Variants in TTC34 observed in about 807,000 individuals in gnomAD.
TTC34 encodes the protein tetratricopeptide repeat domain 34.
Under a neutral mutation model 40.7 loss-of-function variants are expected in TTC34, and 44 were observed. The observed-to-expected ratio is 1.08, with a 90% confidence interval of 0.85 to 1.39. The LOEUF is 1.39. TTC34 is among the 40% of genes most tolerant of loss of function. The pLI, the probability that TTC34 is intolerant of heterozygous loss-of-function variation, is 0.00. For synonymous variants in TTC34, 422 were observed against 398.6 expected (o/e 1.06, Z -0.70); for missense variants, 884 against 838.0 (o/e 1.05, Z -0.68).
At chr1:2,685,133 C>A (rs926716465) in intron 6 of TTC34, among the ~76,000 whole-genome samples, 3 of 144,254 alleles carry the variant, frequency 2.1e-5, no homozygotes, top group African/African-American at 8.3e-5. Flanking sequence ...AGGCGAGCAT[C>A]GGACGGCCTG....
chr1:2,645,321 G>A lies in TTC34; in HGVS notation c.2469C>T (p.Leu823=). The A allele has an allele frequency of 6.6e-7, 1 of 1,508,788 alleles. No individual in the cohort carries two copies. The highest frequency in any genetic ancestry group is 8.8e-7 in the Non-Finnish European group (1 of 1,131,192). 93.5% of individuals were successfully genotyped at this position (1,508,788 alleles called of 1,614,324 possible). Reference sequence around the variant, plus strand: ...GTGCCATGAGAATGTCTGCCAGGAGGAGGTGCCAGTGCGGTTGCCCTGAGT... The same window carrying A: ...GTGCCATGAGAATGTCTGCCAGGAGAAGGTGCCAGTGCGGTTGCCCTGAGT... The change falls in exon 7 of 9, where the codon CTC becomes CTT. Residue 823 remains leucine, a synonymous_variant. Coordinates refer to ENST00000401095, the Ensembl canonical transcript of TTC34. This position sits in a 1 kb window ranked among gnomAD's most constrained non-coding sequence, Gnocchi z 4.7.
intron 6 of TTC34, among the ~76,000 whole-genome samples, chr1:2,688,338 GA>G (rs1557614311): frequency 1.4e-3 from 214 of 148,410 alleles, no homozygotes; most frequent in African/African-American, 5.1e-3. Context: ...ACCCCCAGGT[GA>G]GCATCGGACA....
chr1:2,787,351 G>T, intron 4 of TTC34, 130 bp downstream of exon 4: 1 of 773,624 alleles, frequency 1.3e-6, no homozygotes, highest in Non-Finnish European at 1.9e-6. Context: ...TGCAGAGCTG[G>T]GGCTGAATGC....
chr1:2,801,191 A>G (rs1198464648), intron 1 of TTC34, among the ~76,000 whole-genome samples: 1 of 151,960 alleles, frequency 6.6e-6, no homozygotes, highest in East Asian at 1.9e-4. Context: ...CGGTGGCCCG[A>G]GGTGTCAGGG....
chr1:2,657,456 C>A (rs1338425136), intron 6 of TTC34, among the ~76,000 whole-genome samples: 2 of 89,896 alleles, frequency 2.2e-5, no homozygotes, highest in African/African-American at 7.0e-5. Flanking sequence ...GAGCAGCACC[C>A]ACGCCCCCAG....
intron 6 of TTC34, among the ~76,000 whole-genome samples, chr1:2,767,915 C>G (rs1442730874): frequency 2.0e-5 from 3 of 149,466 alleles, no homozygotes; most frequent in Non-Finnish European, 4.5e-5. Flanking sequence ...ACAACCAGAA[C>G]CTGCACCACA....
At chr1:2,799,749 T>C (rs1643752795) in intron 2 of TTC34, among the ~76,000 whole-genome samples, 1 of 152,174 alleles carries the variant, frequency 6.6e-6, no homozygotes, top group South Asian at 2.1e-4. Flanking sequence ...CCTAAGGACT[T>C]GGCACATTTG....
chr1:2,673,442 G>A (rs1482516820), intron 6 of TTC34, among the ~76,000 whole-genome samples: 2 of 80,988 alleles, frequency 2.5e-5, no homozygotes, highest in African/African-American at 8.7e-5. Flanking sequence ...ACACCCACAG[G>A]TGAGCATCTG....
intron 6 of TTC34, among the ~76,000 whole-genome samples, chr1:2,755,842 C>CATCATGG (rs1641487333): frequency 5.6e-5 from 2 of 35,884 alleles, no homozygotes; most frequent in Non-Finnish European, 9.3e-5. Flanking sequence ...GAGCATCCGA[C>CATCATGG]AGCCTGGAAC....
At chr1:2,684,406 G>C (rs1434961874) in intron 6 of TTC34, among the ~76,000 whole-genome samples, 1 of 151,404 alleles carries the variant, frequency 6.6e-6, no homozygotes, top group Non-Finnish European at 1.5e-5. Context: ...CCCCAGGTGA[G>C]CATCTGACAG....
At chr1:2,656,382 GTGAGCATCTGACAGCATGTAACAGC>G (rs1639347417) in intron 6 of TTC34, among the ~76,000 whole-genome samples, 1 of 96,706 alleles carries the variant, frequency 1.0e-5, no homozygotes. Flanking sequence ...ACACCCACAG[GTGAGCATCTGACAGCATGTAACAGC>G]ACCCACACCC....
At chr1:2,693,065 AC>A (rs1640698851) in intron 6 of TTC34, among the ~76,000 whole-genome samples, 1 of 68,958 alleles carries the variant, frequency 1.5e-5, no homozygotes, top group Admixed American at 1.4e-4. Context: ...AGCACCCACA[AC>A]CCCAGGCGAG....
chr1:2,783,462 A>T, intron 6 of TTC34, 147 bp downstream of exon 6: 1 of 796,634 alleles, frequency 1.3e-6, no homozygotes, highest in Non-Finnish European at 1.7e-6. Flanking sequence ...GCCGCTGTAC[A>T]GGTGGGGATG....
At chr1:2,788,625 G>T (rs1303181034) in intron 3 of TTC34, among the ~76,000 whole-genome samples, 1 of 152,236 alleles carries the variant, frequency 6.6e-6, no homozygotes. Context: ...TTTGCAAAAT[G>T]AGCATCAAGG....
chr1:2,753,146 C>T lies in TTC34; in HGVS notation c.2226+30463G>A, dbSNP rs1179070447. Among the ~76,000 whole-genome samples, 783 of 98,588 alleles carry T rather than the reference C, an allele frequency of 7.9e-3. 1 individual carries two copies. Among genetic ancestry groups the T allele is most frequent in the African/African-American group, 0.034 (728 of 21,682 alleles). The allele number at this position is 98,588 out of a possible 152,430, so 64.7% of individuals were successfully genotyped here. On this transcript the variant is annotated intron_variant, in intron 6 of 8. Coordinates refer to ENST00000401095, the Ensembl canonical transcript of TTC34. ...AACAGCACCAAAAACCCCAGGTGAG[C>T]ATCTGACGGCCTGGAACAGCACCCA...
rs1257710555 is a variant in TTC34, at chr1:2,796,194, A to G, written c.784+3850T>C. On this transcript the variant is annotated intron_variant, in intron 2 of 8. Coordinates refer to ENST00000401095, the Ensembl canonical transcript of TTC34. This position sits in a 1 kb window ranked among gnomAD's most constrained non-coding sequence, Gnocchi z 4.5. The stretch of plus-strand genomic sequence containing the variant: ...CCAGAACTGGAGCTCATTCATTTCT[A>G]CTCATTATGGATCACCCAGCCCGTG... Among the ~76,000 whole-genome samples the G allele has an allele frequency of 1.3e-5, 2 of 151,900 alleles. No individual in the cohort carries two copies. Among genetic ancestry groups the G allele is most frequent in the Non-Finnish European group, 2.9e-5 (2 of 67,996 alleles).
At chr1:2,790,643 A>G (rs949832297) in intron 2 of TTC34, among the ~76,000 whole-genome samples, 8 of 152,030 alleles carry the variant, frequency 5.3e-5, no homozygotes, top group Non-Finnish European at 1.2e-4. Flanking sequence ...GTTCAGAGTC[A>G]CTCCCACCGC....
intron 6 of TTC34, among the ~76,000 whole-genome samples, chr1:2,691,952 T>C (rs1640638898): frequency 1.3e-5 from 1 of 76,118 alleles, no homozygotes; most frequent in African/African-American, 4.5e-5. Flanking sequence ...CAACCCCAGG[T>C]GAGCATCTGA....
At chr1:2,792,153 C>T (rs1345096232) in intron 2 of TTC34, among the ~76,000 whole-genome samples, 2 of 151,514 alleles carry the variant, frequency 1.3e-5, no homozygotes, top group Admixed American at 1.3e-4. Flanking sequence ...CATGCACCAC[C>T]ATACCCAGCT....
Sources: gnomAD v4.1 joint callset for allele counts (sites outside exome capture counted in the v4.1 genomes callset) on GRCh38, gnomAD v4.1.1 for gene constraint, Gnocchi (gnomAD v3.1) non-coding constraint, MANE v1.5 for transcripts, NCBI Gene and HGNC (gene_info 2026-07-23, HGNC 2026-07-21) for gene names.